Variants in SEMA5A observed in about 807,000 individuals in gnomAD.
SEMA5A encodes the protein semaphorin 5A.
SEMA5A carries 55 observed loss-of-function variants against 135.5 expected under a neutral mutation model. That is an observed-to-expected ratio of 0.41 (90% confidence interval 0.33 to 0.51). SEMA5A has a LOEUF of 0.51. SEMA5A is among the 20% of genes least tolerant of loss of function. The pLI is 0.37. For missense variants in SEMA5A, 1,290 were observed against 1,419.9 expected (o/e 0.91, Z 1.47); for synonymous variants, 580 against 546.5 (o/e 1.06, Z -0.85).
intron 1 of SEMA5A, among the ~76,000 whole-genome samples, chr5:9,501,287 C>A (rs1735584829): frequency 6.6e-6 from 1 of 152,160 alleles, no homozygotes; most frequent in Non-Finnish European, 1.5e-5. Context: ...TGCTTACTTG[C>A]ATTCTTAAAA....
intron 9 of SEMA5A, among the ~76,000 whole-genome samples, chr5:9,200,866 G>A (rs1419121211): frequency 6.6e-6 from 1 of 152,146 alleles, no homozygotes. Flanking sequence ...TACTTAGGAA[G>A]CAGAAAGGAC....
At chr5:9,296,975 C>T (rs990377707) in intron 5 of SEMA5A, among the ~76,000 whole-genome samples, 7 of 150,648 alleles carry the variant, frequency 4.6e-5, no homozygotes, top group African/African-American at 9.8e-5. Flanking sequence ...TTACTATGGG[C>T]GGAAACTTCT....
chr5:9,096,979 T>C lies in SEMA5A; in HGVS notation c.2073+11161A>G, dbSNP rs1739356638. On this transcript the variant is annotated intron_variant, in intron 16 of 22. Transcript: ENST00000382496. ...CATAGAGAGGAAAAACGAGTAACTA[T>C]GAGAGAAGGTGGATATATTAATTTG... Among the ~76,000 whole-genome samples, 3 of 152,072 alleles carry C rather than the reference T, an allele frequency of 2.0e-5. No individual in the cohort carries two copies. In the South Asian group the frequency reaches 6.2e-4, roughly 32 times the overall value.
chr5:9,487,637 G>A (rs1055386932), intron 1 of SEMA5A, among the ~76,000 whole-genome samples: 1 of 152,178 alleles, frequency 6.6e-6, no homozygotes, highest in African/African-American at 2.4e-5. Context: ...AAAGTGTTAA[G>A]TGTGATCTCT....
intron 1 of SEMA5A, among the ~76,000 whole-genome samples, chr5:9,453,375 C>T (rs1309994717): frequency 6.6e-6 from 1 of 152,110 alleles, no homozygotes; most frequent in Non-Finnish European, 1.5e-5. Flanking sequence ...AAATAAGTGC[C>T]ACATCCTCTA....
chr5:9,149,587 T>C (rs1341662529), intron 12 of SEMA5A, among the ~76,000 whole-genome samples: 1 of 152,186 alleles, frequency 6.6e-6, no homozygotes, highest in African/African-American at 2.4e-5. Context: ...GAGGTTGCAG[T>C]GAGCTGAGAT....
intron 2 of SEMA5A, among the ~76,000 whole-genome samples, chr5:9,429,920 A>G (rs1021159446): frequency 1.3e-5 from 2 of 152,238 alleles, no homozygotes; most frequent in Non-Finnish European, 2.9e-5. Context: ...GAGGATTCTC[A>G]GCAGAGAGCC....
At chr5:9,475,943 T>C (rs2126765913) in intron 1 of SEMA5A, among the ~76,000 whole-genome samples, 1 of 152,338 alleles carries the variant, frequency 6.6e-6, no homozygotes, top group Non-Finnish European at 1.5e-5. Flanking sequence ...AGGTAGCTAA[T>C]GAGAAAAAGT....
intron 5 of SEMA5A, among the ~76,000 whole-genome samples, chr5:9,303,268 C>G (rs893033501): frequency 5.3e-5 from 8 of 152,040 alleles, no homozygotes; most frequent in Non-Finnish European, 1.2e-4. Context: ...AGGCGCCCAC[C>G]ACCATGCCCG....
intron 2 of SEMA5A, among the ~76,000 whole-genome samples, chr5:9,437,476 C>T (rs1185359061): frequency 6.6e-6 from 1 of 152,150 alleles, no homozygotes; most frequent in African/African-American, 2.4e-5. Context: ...CATGCCTCAG[C>T]CTCCCAAGTA....
chr5:9,321,945 T>C (rs1280647809), intron 4 of SEMA5A, among the ~76,000 whole-genome samples: 2 of 152,158 alleles, frequency 1.3e-5, no homozygotes, highest in Non-Finnish European at 1.5e-5. Context: ...GAGCTGGAAG[T>C]GCATCAGGGC....
In SEMA5A at chr5:9,456,252, A is replaced by G. The variant is rs539747136; in HGVS notation, c.-174-18400T>C. On this transcript the variant is annotated intron_variant, in intron 1 of 22. Transcript: ENST00000382496. ...TGCTCTGTCCCTGGCCATGCCAAGG[A>G]GGAAACTGTGTGTGGTAGCCACACT... Among the ~76,000 whole-genome samples the G allele has an allele frequency of 2.2e-4, 33 of 152,314 alleles. 1 individual carries two copies. In the South Asian group the frequency reaches 6.6e-3, roughly 31 times the overall value.
At chr5:9,247,626 T>C (rs1348488084) in intron 5 of SEMA5A, among the ~76,000 whole-genome samples, 2 of 152,276 alleles carry the variant, frequency 1.3e-5, no homozygotes, top group African/African-American at 4.8e-5. Flanking sequence ...TCCTGAGATA[T>C]ATCCTATCAA....
intron 1 of SEMA5A, among the ~76,000 whole-genome samples, chr5:9,515,043 T>C (rs1016129743): frequency 6.6e-6 from 1 of 152,224 alleles, no homozygotes; most frequent in South Asian, 2.1e-4. Context: ...ATAACAGCAT[T>C]TAATATACTA....
chr5:9,417,817 G>C (rs1175589161), intron 2 of SEMA5A, among the ~76,000 whole-genome samples: 1 of 152,142 alleles, frequency 6.6e-6, no homozygotes, highest in African/African-American at 2.4e-5. Context: ...TTGAACAAGA[G>C]AAATGTATTT....
chr5:9,419,849 T>C (rs1029023970), intron 2 of SEMA5A, among the ~76,000 whole-genome samples: 1 of 152,170 alleles, frequency 6.6e-6, no homozygotes, highest in African/African-American at 2.4e-5. Flanking sequence ...ACAAGTGAAG[T>C]TTCAGAAGGG....
intron 1 of SEMA5A, among the ~76,000 whole-genome samples, chr5:9,538,276 G>T (rs995214745): frequency 8.5e-5 from 13 of 152,114 alleles, no homozygotes; most frequent in African/African-American, 3.1e-4. Context: ...AGCGGGGCGG[G>T]GGGAGGTGCG....
intron 5 of SEMA5A, among the ~76,000 whole-genome samples, chr5:9,249,677 A>G (rs747160608): frequency 7.2e-5 from 11 of 152,214 alleles, no homozygotes; most frequent in Non-Finnish European, 1.2e-4. Flanking sequence ...TAAGGAAAAC[A>G]TGCTGTGATC....
At chr5:9,523,999 A>G (rs987966910) in intron 1 of SEMA5A, among the ~76,000 whole-genome samples, 1 of 152,228 alleles carries the variant, frequency 6.6e-6, no homozygotes, top group African/African-American at 2.4e-5. Context: ...ATGTCAAATC[A>G]TAATCCCCAC....
Sources: allele counts gnomAD v4.1 joint callset (sites outside exome capture counted in the v4.1 genomes callset), GRCh38; gene constraint gnomAD v4.1.1; transcripts MANE v1.5; gene names NCBI Gene and HGNC (gene_info 2026-07-23, HGNC 2026-07-21).